Variants in STMN2 observed in about 807,000 individuals in gnomAD.
STMN2 encodes the protein stathmin 2, also known as stathmin-2.
STMN2 carries 2 observed loss-of-function variants against 24.1 expected under a neutral mutation model. The ratio of observed to expected loss-of-function variants is 0.08; its 90% CI spans 0.03 to 0.26. STMN2 has a LOEUF of 0.26. STMN2 is among the 10% of genes least tolerant of loss of function. STMN2 has a pLI of 1.00. For synonymous variants in STMN2, 83 were observed against 77.5 expected, an observed-to-expected ratio of 1.07 and a Z score of -0.37; for missense variants, 114 against 213.6, an observed-to-expected ratio of 0.53 and a Z score of 2.91.
At chr8:79,663,336 G>T (rs1311369728) in intron 4 of STMN2, among the ~76,000 whole-genome samples, 1 of 152,164 alleles carries the variant, frequency 6.6e-6, no homozygotes, top group Admixed American at 6.5e-5. Flanking sequence ...GTATCATGAA[G>T]ATGGGCAAGT....
intron 1 of STMN2, among the ~76,000 whole-genome samples, chr8:79,615,242 T>C (rs145274401): frequency 1.3e-3 from 204 of 152,366 alleles, no homozygotes; most frequent in Non-Finnish European, 2.5e-3. Flanking sequence ...ATCACCATTA[T>C]TTTTTACTTC....
At chr8:79,661,144 C>T (rs1197020747) in intron 4 of STMN2, among the ~76,000 whole-genome samples, 1 of 152,040 alleles carries the variant, frequency 6.6e-6, no homozygotes, top group East Asian at 1.9e-4. Flanking sequence ...ATAATTACTT[C>T]TTTTCCTTTG....
chr8:79,614,721 T>C (rs1209183319), intron 1 of STMN2, among the ~76,000 whole-genome samples: 4 of 152,256 alleles, frequency 2.6e-5, no homozygotes, highest in Non-Finnish European at 5.9e-5. Context: ...TTTACAATAA[T>C]GTGACTTACA....
chr8:79,653,177 G>T (rs1175443859), intron 3 of STMN2, among the ~76,000 whole-genome samples: 1 of 152,044 alleles, frequency 6.6e-6, no homozygotes, highest in Non-Finnish European at 1.5e-5. Context: ...AGGAGTTCAA[G>T]ACTAGCCTGG....
intron 1 of STMN2, among the ~76,000 whole-genome samples, chr8:79,616,239 C>G (rs1192151355): frequency 1.3e-5 from 2 of 152,158 alleles, no homozygotes; most frequent in African/African-American, 4.8e-5. Flanking sequence ...TGATTTCAAT[C>G]TAGTTTTATC....
chr8:79,619,485 C>A (rs1279899362), intron 1 of STMN2, among the ~76,000 whole-genome samples: 1 of 152,050 alleles, frequency 6.6e-6, no homozygotes, highest in Non-Finnish European at 1.5e-5. Context: ...TGAGGAGCAA[C>A]CTAACTCACA....
chr8:79,642,136 G>A (rs971247834), intron 3 of STMN2, among the ~76,000 whole-genome samples: 2 of 152,160 alleles, frequency 1.3e-5, no homozygotes, highest in Non-Finnish European at 2.9e-5. Flanking sequence ...CCAAGATCAG[G>A]ACCTTCTCTG....
At chr8:79,645,415 C>T (rs1248665810) in intron 3 of STMN2, among the ~76,000 whole-genome samples, 2 of 152,114 alleles carry the variant, frequency 1.3e-5, no homozygotes, top group Non-Finnish European at 2.9e-5. Flanking sequence ...TCATGTTAGA[C>T]ATATTCCTAG....
intron 3 of STMN2, among the ~76,000 whole-genome samples, chr8:79,653,407 T>C (rs552803278): frequency 5.5e-4 from 84 of 152,100 alleles, no homozygotes; most frequent in Non-Finnish European, 8.8e-5. Context: ...TAGTAAAATG[T>C]CCTGAAACCA....
At chr8:79,628,022 T>C (rs1563436660) in intron 1 of STMN2, among the ~76,000 whole-genome samples, 1 of 152,194 alleles carries the variant, frequency 6.6e-6, no homozygotes, top group Non-Finnish European at 1.5e-5. Context: ...CTCATATTGA[T>C]TCCATATCTT....
intron 1 of STMN2, among the ~76,000 whole-genome samples, chr8:79,633,709 T>C (rs1809869957): frequency 6.6e-6 from 1 of 152,166 alleles, no homozygotes; most frequent in Non-Finnish European, 1.5e-5. Flanking sequence ...CATCATCTAA[T>C]TACTCTCCAA....
rs552756549 is a variant in STMN2, at chr8:79,637,252, G to A, written c.115+355G>A. Among the ~76,000 whole-genome samples, 760 of 152,258 alleles carry A rather than the reference G, an allele frequency of 5.0e-3. 11 individuals are homozygous for A. Among genetic ancestry groups the A allele is most frequent in the African/African-American group, 0.017 (726 of 41,540 alleles). ...TTTGTAAGAAAATGCTTTATACTTA[G>A]AAAACTCAAGAGAAAGAATCAACAA... On this transcript the variant is annotated intron_variant, in intron 2 of 4. Coordinates refer to ENST00000220876, the MANE Select transcript of STMN2 (RefSeq NM_007029.4).
Position 79,639,469 on chromosome 8 carries a change from G to A in STMN2, c.116-1909G>A, listed in dbSNP as rs1810042830. ...CAAAGAATGCTCATCTGAAATTGAG[G>A]GCTGACCAGCGAGGTTCTTTTAAAA... On this transcript the variant is annotated intron_variant, in intron 2 of 4. Coordinates refer to ENST00000220876, the MANE Select transcript of STMN2 (RefSeq NM_007029.4). Among the ~76,000 whole-genome samples, 5 of 151,856 alleles carry A rather than the reference G, an allele frequency of 3.3e-5. No homozygotes were observed. In the South Asian group the frequency reaches 1.0e-3, roughly 32 times the overall value.
intron 2 of STMN2, among the ~76,000 whole-genome samples, chr8:79,637,831 GACAAA>G (rs1188298966): frequency 6.6e-6 from 1 of 152,078 alleles, no homozygotes; most frequent in Non-Finnish European, 1.5e-5. Flanking sequence ...AGACATTAAT[GACAAA>G]ACAAACTGAC....
intron 3 of STMN2, among the ~76,000 whole-genome samples, chr8:79,652,734 C>T (rs1563446634): frequency 1.3e-5 from 2 of 151,884 alleles, no homozygotes; most frequent in Non-Finnish European, 2.9e-5. Context: ...TTTGTTTGAT[C>T]CTGACAACCA....
At chr8:79,611,749 T>C in intron 1 of STMN2, 1 of 983,546 alleles carries the variant, frequency 1.0e-6, no homozygotes, top group Non-Finnish European at 1.2e-6. Context: ...TACGGTATTG[T>C]CTCGTCGAAG....
At chr8:79,627,129 T>C (rs891121637) in intron 1 of STMN2, among the ~76,000 whole-genome samples, 8 of 152,178 alleles carry the variant, frequency 5.3e-5, no homozygotes, top group African/African-American at 1.2e-4. Flanking sequence ...TTTGAAGATA[T>C]GAGCAATGTT....
chr8:79,615,278 C>T (rs1442199285), intron 1 of STMN2, among the ~76,000 whole-genome samples: 3 of 152,194 alleles, frequency 2.0e-5, no homozygotes, highest in Non-Finnish European at 2.9e-5. Context: ...ATCACATGCT[C>T]AGGCTACCTT....
chr8:79,615,950 A>G (rs1809372966), intron 1 of STMN2, among the ~76,000 whole-genome samples: 1 of 152,246 alleles, frequency 6.6e-6, no homozygotes, highest in South Asian at 2.1e-4. Flanking sequence ...TAGTAATAGC[A>G]AAGTTATTTA....
Sources: gnomAD v4.1 joint callset for allele counts (sites outside exome capture counted in the v4.1 genomes callset) on GRCh38, gnomAD v4.1.1 for gene constraint, MANE v1.5 for transcripts, NCBI Gene and HGNC (gene_info 2026-07-23, HGNC 2026-07-21) for gene names.